Variants in SLC25A1 observed in about 807,000 individuals in gnomAD.
SLC25A1 encodes the protein solute carrier family 25 member 1, also known as tricarboxylate transport protein, mitochondrial.
In SLC25A1, 26 loss-of-function variants were observed where a neutral mutation model predicts 38.1. That is an observed-to-expected ratio of 0.68 (90% CI 0.50 to 0.95). SLC25A1 has a LOEUF of 0.95. Among genes scored for constraint, SLC25A1 ranks in the 40% least tolerant of loss-of-function variants. SLC25A1 has a pLI of 0.00. For missense variants in SLC25A1, 378 were observed against 426.6 expected (o/e 0.89, Z 1.00); for synonymous variants, 211 against 183.2 (o/e 1.15, Z -1.23).
chr22:19,176,539 C>G, intron 7 of SLC25A1, 39 bp downstream of exon 7: 4 of 1,611,692 alleles, frequency 2.5e-6, no homozygotes, highest in Non-Finnish European at 3.4e-6. Context: ...CTAGCTCTGG[C>G]CTGGTCCCCC....
At chr22:19,176,716 G>A in intron 6 of SLC25A1, 23 bp from the exon 7 acceptor site, 3 of 1,603,994 alleles carry the variant, frequency 1.9e-6, no homozygotes, top group Admixed American at 1.7e-5. Context: ...GGGGTGAGGT[G>A]GGTCAGAGGG....
At chr22:19,177,309 T>C (rs782172455) in intron 4 of SLC25A1, 105 bp from the exon 5 acceptor site, 199 of 939,538 alleles carry the variant, frequency 2.1e-4, no homozygotes, top group Non-Finnish European at 2.9e-4. Context: ...CTGGGAACTC[T>C]TCCCCAGGAA....
chr22:19,176,652 C>T lies in SLC25A1; in HGVS notation c.673G>A (p.Val225Ile). ...NKPMNPLITG[V>I]FGAIAGAASV... ...GCTGCGCCTGCAATAGCTCCGAAGACCCCAGTGATCAGAGGGTTCATGGGC... is the reference window on the plus strand; with the variant it reads ...GCTGCGCCTGCAATAGCTCCGAAGATCCCAGTGATCAGAGGGTTCATGGGC... Residue 225 changes from valine to isoleucine, a missense_variant, in exon 7 of 9, where the codon GTC (valine) becomes ATC (isoleucine). Val to Ile is a conservative substitution (Grantham distance 29, BLOSUM62 3). Coordinates refer to ENST00000215882, the MANE Select transcript of SLC25A1 (RefSeq NM_005984.5). 6.2e-7 allele frequency: 1 copy of T among 1,613,976 alleles called. No individual in the cohort carries two copies. The highest frequency in any genetic ancestry group is 8.5e-7 in the Non-Finnish European group (1 of 1,180,000).
intron 4 of SLC25A1, among the ~76,000 whole-genome samples, 189 bp downstream of exon 4, chr22:19,177,538 C>T (rs1341988230): frequency 2.6e-5 from 4 of 152,248 alleles, no homozygotes; most frequent in African/African-American, 4.8e-5. Flanking sequence ...TTAGCATAGA[C>T]TCAGCCTCCA....
In SLC25A1 at chr22:19,178,212, G is replaced by A; in HGVS notation, c.123C>T (p.Cys41=). ...AGGLAGGIEI[C]ITFPTEYVKT... is the part of the protein sequence containing the mutation. ...TCACGTACTCGGTGGGGAAGGTGAT[G>A]CAGATCTCGATGCCACCCGCCAGGC... The change falls in exon 2 of 9, where the codon TGC becomes TGT. Residue 41 remains cysteine (C), a synonymous_variant. Transcript: ENST00000215882. This position sits in a 1 kb window ranked among gnomAD's most constrained non-coding sequence, Gnocchi z 4.9. 1 of 1,552,244 alleles carries A rather than the reference G, an allele frequency of 6.4e-7. No homozygotes were observed. The highest frequency in any genetic ancestry group is 8.7e-7 in the Non-Finnish European group (1 of 1,148,898).
In SLC25A1 at chr22:19,177,885, G is replaced by GA. The variant is rs1569130719; in HGVS notation, c.303-21dup. ...CCAAACCTGGAGGCGGGAGGCGGGT[G>GA]AGAGGGGCTGCCGCGGCCGAGCCCC... On this transcript the variant is annotated intron_variant, in intron 3 of 8. Coordinates refer to ENST00000215882, the MANE Select transcript of SLC25A1 (RefSeq NM_005984.5). 1.3e-6 allele frequency: 2 copies of GA among 1,589,846 alleles called. No individual in the cohort carries two copies. Among genetic ancestry groups the GA allele is most frequent in the Admixed American group, 3.6e-5 (2 of 55,496 alleles).
At chr22:19,176,299 C>A in intron 8 of SLC25A1, 55 bp from the exon 9 acceptor site, 1 of 1,557,386 alleles carries the variant, frequency 6.4e-7, no homozygotes, top group South Asian at 1.1e-5. Context: ...TGTCCCTGCA[C>A]AGGGCAATCC....
intron 4 of SLC25A1, 76 bp downstream of exon 4, chr22:19,177,651 G>A (rs1456688300): frequency 8.2e-6 from 13 of 1,580,550 alleles, no homozygotes; most frequent in East Asian, 2.2e-5. Context: ...CGGTTGCCCC[G>A]GGAGCACCGG....
At position 19,176,127 on chromosome 22, in the gene SLC25A1, G is replaced by T; in HGVS notation, c.*3C>A. The T allele has an allele frequency of 6.2e-7, 1 of 1,612,986 alleles. No individual in the cohort carries two copies. The highest frequency in any genetic ancestry group is 8.5e-7 in the Non-Finnish European group (1 of 1,179,328). ...GGGCGGTCCCCTTGCGGCCTCTCTA[G>T]GCTTAGTCCGTCTTCCACACTTTGT... On this transcript the variant is annotated 3_prime_UTR_variant, in exon 9 of 9. Coordinates refer to ENST00000215882, the MANE Select transcript of SLC25A1 (RefSeq NM_005984.5).
In SLC25A1 at chr22:19,177,795, G is replaced by T. The variant is rs1555922962; in HGVS notation, c.373C>A (p.Leu125Met). ...AQGRLDSTRG[L>M]LCGLGAGVAE... ...ACGCCAGCGCCCAGGCCGCACAGCA[G>T]CCCACGCGTGCTGTCCAGCCGTCCC... The change falls in exon 4 of 9, where the codon CTG (leucine) becomes ATG (methionine). Residue 125 changes from leucine (L) to methionine (M), a missense_variant. Leu to Met is a conservative substitution (Grantham distance 15). Transcript: ENST00000215882. 6.2e-7 allele frequency: 1 copy of T among 1,610,722 alleles called. No homozygotes were observed. Among genetic ancestry groups the T allele is most frequent in the Admixed American group, 1.7e-5 (1 of 59,962 alleles).
rs1555923143 is a variant in SLC25A1, at chr22:19,178,000, C to G, written c.244G>C (p.Gly82Arg). ...AGGGAGCTAAGGCCGCGGTACAGGC[C>G]CAGGACGCCATGGCTGCGAACCGTC... The part of the protein sequence containing the change: ...RQTVRSHGVL[G>R]LYRGLSSLLY... The change falls in exon 3 of 9, where the codon GGC becomes CGC. Residue 82 changes from glycine to arginine, a missense_variant. Transcript: ENST00000215882. 7.5e-6 allele frequency: 12 copies of G among 1,603,096 alleles called. No homozygotes were observed. Among genetic ancestry groups the G allele is most frequent in the Non-Finnish European group, 1.0e-5 (12 of 1,176,770 alleles).
chr22:19,177,771 C>T lies in SLC25A1; in HGVS notation c.397G>A (p.Val133Met), dbSNP rs1555922944. 3.1e-6 allele frequency: 5 copies of T among 1,610,000 alleles called. No homozygotes were observed. Among genetic ancestry groups the T allele is most frequent in the Admixed American group, 1.7e-5 (1 of 59,976 alleles). Reference sequence around the variant, plus strand: ...CACACGACCACCACGGCCTCGGCCACGCCAGCGCCCAGGCCGCACAGCAGC... The same window carrying T: ...CACACGACCACCACGGCCTCGGCCATGCCAGCGCCCAGGCCGCACAGCAGC... ...RGLLCGLGAG[V>M]AEAVVVVCPM... The change falls in exon 4 of 9, where the codon GTG becomes ATG. Residue 133 changes from valine to methionine, a missense_variant. Physicochemically the swap from Val to Met is conservative, Grantham distance 21. Coordinates refer to ENST00000215882, the MANE Select transcript of SLC25A1 (RefSeq NM_005984.5).
chr22:19,177,023 T>C (rs1385956731), intron 5 of SLC25A1, 73 bp from the exon 6 acceptor site: 22 of 1,582,726 alleles, frequency 1.4e-5, no homozygotes, highest in Non-Finnish European at 8.7e-7. Context: ...GTGTGGGGGG[T>C]GGGTGTTGCA....
At chr22:19,176,737 G>C (rs782069940) in intron 6 of SLC25A1, 44 bp from the exon 7 acceptor site, 37 of 1,594,872 alleles carry the variant, frequency 2.3e-5, no homozygotes, top group Non-Finnish European at 2.4e-5. Context: ...TGCCGGGAGG[G>C]GCCTGGATCA....
chr22:19,176,261 G>A lies in SLC25A1; in HGVS notation c.822-17C>T. 1 of 1,597,882 alleles carries A rather than the reference G, an allele frequency of 6.3e-7. No individual in the cohort carries two copies. Among genetic ancestry groups the A allele is most frequent in the East Asian group, 2.2e-5 (1 of 44,788 alleles). ...TTGTAGAATCTGGGTGGGAGGAGGGGCGGGGAGAGGAAGGCAGGTCAGCAC... is the reference window on the plus strand; with the variant it reads ...TTGTAGAATCTGGGTGGGAGGAGGGACGGGGAGAGGAAGGCAGGTCAGCAC... On this transcript the variant is annotated splice_polypyrimidine_tract_variant and intron_variant, in intron 8 of 8. Transcript: ENST00000215882.
chr22:19,178,214 A>G lies in SLC25A1; in HGVS notation c.121T>C (p.Cys41Arg). 1 of 1,551,250 alleles carries G rather than the reference A, an allele frequency of 6.4e-7. No homozygotes were observed. Among genetic ancestry groups the G allele is most frequent in the Non-Finnish European group, 8.7e-7 (1 of 1,148,496 alleles). Residue 41 changes from cysteine to arginine, a missense_variant, in exon 2 of 9, where the codon TGC becomes CGC. By Grantham distance (180) the Cys-to-Arg change is radical. Transcript: ENST00000215882. The surrounding 1 kb of genome is among the most constrained non-coding windows in gnomAD (Gnocchi z 4.9). ...ACGTACTCGGTGGGGAAGGTGATGC[A>G]GATCTCGATGCCACCCGCCAGGCCG... Reference protein sequence around the residue: ...AGGLAGGIEICITFPTEYVKT... With the variant: ...AGGLAGGIEIRITFPTEYVKT...
Position 19,178,453 on chromosome 22 carries a change from G to T in SLC25A1, c.94+127C>A, listed in dbSNP as rs545891378. 123 of 1,370,610 alleles carry T rather than the reference G, an allele frequency of 9.0e-5. No individual in the cohort carries two copies. The South Asian group carries it at 2.0e-3, about 22-fold the overall frequency. 84.9% of individuals were successfully genotyped at this position (1,370,610 alleles called of 1,614,324 possible). ...CGGGCGAGTCCCAGCGCGCCGGGTG[G>T]GGACCAGGACCGCGCCTCCACGACT... On this transcript the variant is annotated intron_variant, in intron 1 of 8. Coordinates refer to ENST00000215882, the MANE Select transcript of SLC25A1 (RefSeq NM_005984.5). The surrounding 1 kb of genome is among the most constrained non-coding windows in gnomAD (Gnocchi z 4.9).
chr22:19,176,063 T>A lies in SLC25A1; in HGVS notation c.*67A>T, dbSNP rs1337357850. Reference sequence around the variant, plus strand: ...GCCTTTTGGCACTACTGCACTGGAATCGTGAGACAAAGGTAGCAGGACACT... The same window carrying A: ...GCCTTTTGGCACTACTGCACTGGAAACGTGAGACAAAGGTAGCAGGACACT... On this transcript the variant is annotated 3_prime_UTR_variant, in exon 9 of 9. Transcript: ENST00000215882. 1.1e-6 allele frequency: 1 copy of A among 947,578 alleles called. No individual in the cohort carries two copies. Among genetic ancestry groups the A allele is most frequent in the Non-Finnish European group, 1.5e-6 (1 of 665,846 alleles). The allele number at this position is 947,578 out of a possible 1,614,324, so 58.7% of individuals were successfully genotyped here. A position where few individuals can be genotyped will look rare whatever the true frequency, so the allele number is the denominator to read the frequency against.
intron 6 of SLC25A1, 22 bp downstream of exon 6, chr22:19,176,824 G>T: frequency 6.2e-7 from 1 of 1,611,730 alleles, no homozygotes; most frequent in Non-Finnish European, 8.5e-7. Flanking sequence ...TGCAGAGATG[G>T]GGCCCTGTGA....
Sources: gnomAD v4.1 joint callset for allele counts (sites outside exome capture counted in the v4.1 genomes callset) on GRCh38, gnomAD v4.1.1 for gene constraint, Gnocchi (gnomAD v3.1) non-coding constraint, MANE v1.5 for transcripts, NCBI Gene and HGNC (gene_info 2026-07-23, HGNC 2026-07-21) for gene names.